The following VWC2L variants were observed in gnomAD, a reference collection of about 807,000 sequenced individuals.
VWC2L encodes von Willebrand factor C domain containing 2 like, also known as von Willebrand factor C domain-containing protein 2-like.
A neutral mutation model predicts 21.6 loss-of-function variants in VWC2L; 10 were observed. The ratio of observed to expected loss-of-function variants is 0.46; its 90% confidence interval spans 0.29 to 0.78. The LOEUF (loss-of-function observed/expected upper bound fraction) is 0.78. Among genes scored for constraint, VWC2L ranks in the 30% least tolerant of loss-of-function variants. VWC2L has a pLI of 0.10. For synonymous variants in VWC2L, 96 were observed against 94.3 expected (o/e 1.02, Z -0.10); for missense variants, 209 against 277.1 (o/e 0.75, Z 1.74).
chr2:214,564,786 C>A (rs1395278466), intron 3 of VWC2L, among the ~76,000 whole-genome samples: 1 of 152,076 alleles, frequency 6.6e-6, no homozygotes, highest in African/African-American at 2.4e-5. Flanking sequence ...TATTTTTATG[C>A]CCCAAACCAA....
intron 2 of VWC2L, among the ~76,000 whole-genome samples, chr2:214,416,011 T>A (rs904526733): frequency 1.3e-5 from 2 of 152,090 alleles, no homozygotes; most frequent in African/African-American, 4.8e-5. Flanking sequence ...TAATGTCATC[T>A]TAATGGAAGT....
At chr2:214,539,857 A>G (rs1282667971) in intron 3 of VWC2L, among the ~76,000 whole-genome samples, 2 of 152,290 alleles carry the variant, frequency 1.3e-5, no homozygotes, top group East Asian at 1.9e-4. Flanking sequence ...CCACTAAAAT[A>G]ATTTTTTAAA....
chr2:214,512,694 A>G (rs564136771), intron 3 of VWC2L, among the ~76,000 whole-genome samples: 1 of 152,318 alleles, frequency 6.6e-6, no homozygotes, highest in East Asian at 1.9e-4. Context: ...ATGAATTTCA[A>G]CACCCAAGAA....
At chr2:214,563,166 T>G (rs1027064412) in intron 3 of VWC2L, among the ~76,000 whole-genome samples, 8 of 152,194 alleles carry the variant, frequency 5.3e-5, no homozygotes, top group African/African-American at 1.9e-4. Flanking sequence ...TTCAATTTTC[T>G]GCATGTGGCT....
rs148914144 is a variant in VWC2L at position 214,504,785 on chromosome 2, G to A, written c.520+68027G>A. Among the ~76,000 whole-genome samples, 1,258 of 152,266 alleles carry A rather than the reference G, an allele frequency of 8.3e-3. 10 individuals carry two copies. Among genetic ancestry groups the A allele is most frequent in the Middle Eastern group, 0.024 (7 of 294 alleles). The stretch of plus-strand genomic sequence containing the variant: ...TTTATCTTCACAACAAGCCTGTTGG[G>A]CAGCCTGGAGATGTGATTCCCATTT... On this transcript the variant is annotated intron_variant, in intron 3 of 3. Coordinates refer to ENST00000312504, the MANE Select transcript of VWC2L (RefSeq NM_001080500.4).
chr2:214,474,962 G>T (rs1688489357), intron 3 of VWC2L, among the ~76,000 whole-genome samples: 1 of 152,098 alleles, frequency 6.6e-6, no homozygotes, highest in Non-Finnish European at 1.5e-5. Context: ...TTGGTTCCTT[G>T]TGGAAATGAA....
Position 214,414,114 on chromosome 2 carries a change from C to G in VWC2L, c.-80C>G, listed in dbSNP as rs1050018201. 1.4e-6 allele frequency: 2 copies of G among 1,422,530 alleles called. No homozygotes were observed. The highest frequency in any genetic ancestry group is 2.3e-5 in the Admixed American group (1 of 43,678). 88.1% of individuals were successfully genotyped at this position (1,422,530 alleles called of 1,614,324 possible). ...ATTCTTTTTAAATATTTATTTTCAGCCTACCCCTCTTGTATTCCCATGGAA... is the reference window on the plus strand; with the variant it reads ...ATTCTTTTTAAATATTTATTTTCAGGCTACCCCTCTTGTATTCCCATGGAA... On this transcript the variant is annotated splice_region_variant and 5_prime_UTR_variant, in exon 2 of 4. Coordinates refer to ENST00000312504, the MANE Select transcript of VWC2L (RefSeq NM_001080500.4).
intron 3 of VWC2L, among the ~76,000 whole-genome samples, chr2:214,514,283 G>A (rs1022402961): frequency 2.6e-5 from 4 of 151,738 alleles, no homozygotes; most frequent in African/African-American, 7.3e-5. Flanking sequence ...TCTGTATTAT[G>A]TCAAGTGTAA....
At chr2:214,435,604 A>G (rs1448444814) in intron 2 of VWC2L, among the ~76,000 whole-genome samples, 1 of 152,148 alleles carries the variant, frequency 6.6e-6, no homozygotes, top group Admixed American at 6.6e-5. Flanking sequence ...GAAACAAGGG[A>G]AGAGGGCTTT....
chr2:214,418,354 G>C (rs1181348215), intron 2 of VWC2L, among the ~76,000 whole-genome samples: 1 of 152,140 alleles, frequency 6.6e-6, no homozygotes, highest in African/African-American at 2.4e-5. Flanking sequence ...AAGCAGCAGA[G>C]TGTAAGTAAC....
intron 3 of VWC2L, among the ~76,000 whole-genome samples, chr2:214,470,952 A>G (rs1362207167): frequency 1.4e-5 from 2 of 145,386 alleles, no homozygotes; most frequent in South Asian, 2.2e-4. Context: ...AAGATAGGTG[A>G]TCGCGTAATG....
chr2:214,532,390 A>AG (rs1304634895), intron 3 of VWC2L, among the ~76,000 whole-genome samples: 1 of 151,548 alleles, frequency 6.6e-6, no homozygotes, highest in Admixed American at 6.6e-5. Context: ...ACTATGGAAA[A>AG]AAAAGTCATT....
intron 2 of VWC2L, among the ~76,000 whole-genome samples, chr2:214,420,173 TCA>T (rs1702418731): frequency 6.6e-6 from 1 of 152,232 alleles, no homozygotes; most frequent in African/African-American, 2.4e-5. Flanking sequence ...ATGGGTATAT[TCA>T]CACAGAGACA....
At chr2:214,512,750 A>C (rs1391098876) in intron 3 of VWC2L, among the ~76,000 whole-genome samples, 21 of 151,494 alleles carry the variant, frequency 1.4e-4, no homozygotes. Flanking sequence ...CCCATACAAC[A>C]GTGGTAGACT....
intron 3 of VWC2L, among the ~76,000 whole-genome samples, chr2:214,567,547 T>TACACAC (rs71409879): frequency 3.6e-4 from 43 of 119,952 alleles, no homozygotes; most frequent in African/African-American, 1.4e-3. Context: ...TTCATCCACA[T>TACACAC]ACACACACAC....
chr2:214,560,418 G>A (rs1199305169), intron 3 of VWC2L, among the ~76,000 whole-genome samples: 5 of 152,132 alleles, frequency 3.3e-5, no homozygotes, highest in African/African-American at 4.8e-5. Context: ...GTTGACAAGT[G>A]TACTCCATGT....
chr2:214,450,814 A>C (rs1483673556), intron 3 of VWC2L, among the ~76,000 whole-genome samples: 1 of 152,172 alleles, frequency 6.6e-6, no homozygotes, highest in East Asian at 1.9e-4. Flanking sequence ...GGCTGGTCTA[A>C]TGATGATTAA....
Position 214,570,688 on chromosome 2 carries a change from T to TA in VWC2L, c.521-4973dup, listed in dbSNP as rs35453142. 2.2e-3 allele frequency among the ~76,000 whole-genome samples: 321 copies of TA among 149,190 alleles called. 2 individuals are homozygous for TA. The highest frequency in any genetic ancestry group is 9.4e-3 in the South Asian group (44 of 4,686). On this transcript the variant is annotated intron_variant, in intron 3 of 3. Coordinates refer to ENST00000312504, the MANE Select transcript of VWC2L (RefSeq NM_001080500.4). Reference sequence around the variant, plus strand: ...GGGAAAATTACTTAGGTGTTTCATTTAAAAAAAAAAAGTTTTCATGTGTGA... The same window carrying TA: ...GGGAAAATTACTTAGGTGTTTCATTTAAAAAAAAAAAAGTTTTCATGTGTGA...
At chr2:214,535,853 G>A (rs1689518718) in intron 3 of VWC2L, among the ~76,000 whole-genome samples, 1 of 151,654 alleles carries the variant, frequency 6.6e-6, no homozygotes, top group Middle Eastern at 3.2e-3. Flanking sequence ...AAAAAGAGAA[G>A]ATACAGGACT....
Sources: allele counts gnomAD v4.1 joint callset (sites outside exome capture counted in the v4.1 genomes callset), GRCh38; gene constraint gnomAD v4.1.1; transcripts MANE v1.5; gene names NCBI Gene and HGNC (gene_info 2026-07-23, HGNC 2026-07-21).